The following KITLG variants were observed in gnomAD, a reference collection of about 807,000 sequenced individuals.
KITLG encodes the protein KIT ligand.
In KITLG, 13 loss-of-function variants were observed where a neutral mutation model predicts 34.1. The ratio of observed to expected loss-of-function variants is 0.38; its 90% CI spans 0.25 to 0.61. KITLG has a LOEUF of 0.61. Among genes scored for constraint, KITLG ranks in the 20% least tolerant of loss-of-function variants. KITLG has a pLI of 0.60. For synonymous variants in KITLG, 110 were observed against 104.0 expected (o/e 1.06, Z -0.35); for missense variants, 292 against 318.9 (o/e 0.92, Z 0.64).
intron 1 of KITLG, among the ~76,000 whole-genome samples, chr12:88,546,864 T>C (rs918435820): frequency 1.3e-5 from 2 of 152,194 alleles, no homozygotes; most frequent in Non-Finnish European, 2.9e-5. Context: ...ACTCACATCT[T>C]GTGATAAACA....
At chr12:88,539,875 T>C (rs914028363) in intron 2 of KITLG, among the ~76,000 whole-genome samples, 3 of 152,142 alleles carry the variant, frequency 2.0e-5, no homozygotes, top group South Asian at 2.1e-4. Flanking sequence ...CAGTGAGCCA[T>C]GATTGCACCA....
chr12:88,524,956 C>T (rs3782172), intron 3 of KITLG, among the ~76,000 whole-genome samples: 12,657 of 152,130 alleles, frequency 0.083, 557 homozygotes, highest in Non-Finnish European at 0.1. Flanking sequence ...TGCTTACAAA[C>T]GGTGAACTTT....
intron 1 of KITLG, among the ~76,000 whole-genome samples, chr12:88,549,722 G>A (rs1166185771): frequency 6.6e-6 from 1 of 152,106 alleles, no homozygotes; most frequent in East Asian, 1.9e-4. Context: ...GAAACTTGGG[G>A]TGCAGATATA....
At chr12:88,513,613 T>G (rs142644514) in intron 6 of KITLG, among the ~76,000 whole-genome samples, 4 of 151,690 alleles carry the variant, frequency 2.6e-5, no homozygotes, top group African/African-American at 9.6e-5. Flanking sequence ...TAAGAAAGAT[T>G]TGCTCTAATA....
At position 88,505,178 on chromosome 12, in the gene KITLG, T is replaced by G. The variant is rs1266081219; in HGVS notation, c.*18A>C. On this transcript the variant is annotated 3_prime_UTR_variant, in exon 9 of 10. Transcript: ENST00000644744. ...ACTTACCAATGTACGAAAGTAACAG[T>G]GTTGATACAAGCCACAATTACACTT... 1.3e-6 allele frequency: 2 copies of G among 1,586,910 alleles called. No homozygotes were observed. Among genetic ancestry groups the G allele is most frequent in the Non-Finnish European group, 1.7e-6 (2 of 1,155,634 alleles).
chr12:88,577,911 G>C (rs1048287996), intron 1 of KITLG, among the ~76,000 whole-genome samples: 1 of 152,100 alleles, frequency 6.6e-6, no homozygotes, highest in African/African-American at 2.4e-5. Context: ...TTTTATATGT[G>C]GGGTAGTAGG....
chr12:88,515,028 G>T (rs1869408398), intron 6 of KITLG, among the ~76,000 whole-genome samples: 2 of 151,714 alleles, frequency 1.3e-5, no homozygotes, highest in East Asian at 3.9e-4. Flanking sequence ...TAATTCTGTG[G>T]TAAAATAACA....
Position 88,542,399 on chromosome 12 carries a change from C to T in KITLG, c.129+3353G>A, listed in dbSNP as rs555586390. ...TTTGAAAAATTAGGAAATTGAATGC[C>T]AGAAAGATTCAGTGATTTGTCCAAG... On this transcript the variant is annotated intron_variant, in intron 2 of 9. Coordinates refer to ENST00000644744, the MANE Select transcript of KITLG (RefSeq NM_000899.5). 1.1e-4 allele frequency among the ~76,000 whole-genome samples: 16 copies of T among 152,048 alleles called. No homozygotes were observed. In the South Asian group the frequency reaches 2.3e-3, roughly 22 times the overall value.
At chr12:88,519,194 A>G (rs1279424017) in intron 3 of KITLG, among the ~76,000 whole-genome samples, 1 of 152,072 alleles carries the variant, frequency 6.6e-6, no homozygotes, top group African/African-American at 2.4e-5. Flanking sequence ...ATTACTTAAA[A>G]TGTTGTAATA....
intron 8 of KITLG, among the ~76,000 whole-genome samples, chr12:88,505,545 C>G (rs1371746586): frequency 6.6e-6 from 1 of 152,014 alleles, no homozygotes; most frequent in Admixed American, 6.6e-5. Context: ...GGCAACACAC[C>G]AAATGAAAAT....
intron 6 of KITLG, among the ~76,000 whole-genome samples, chr12:88,511,671 A>T (rs950370437): frequency 6.6e-6 from 1 of 151,526 alleles, no homozygotes. Flanking sequence ...AAATTATAAT[A>T]AAAAAAAATA....
In KITLG at chr12:88,530,538, A is replaced by G. The variant is rs138112453; in HGVS notation, c.192+1903T>C. On this transcript the variant is annotated intron_variant, in intron 3 of 9. Coordinates refer to ENST00000644744, the MANE Select transcript of KITLG (RefSeq NM_000899.5). The stretch of plus-strand genomic sequence containing the variant: ...AATTACTAAACTTTTTGAACTAAAG[A>G]TCATTGCCTAATTGGTGTGTGTTTG... Among the ~76,000 whole-genome samples the G allele has an allele frequency of 8.8e-3, 1,337 of 152,274 alleles. 27 individuals carry two copies. Among genetic ancestry groups the G allele is most frequent in the African/African-American group, 0.031 (1,270 of 41,558 alleles).
chr12:88,522,402 C>T (rs909559306), intron 3 of KITLG, among the ~76,000 whole-genome samples: 1 of 148,902 alleles, frequency 6.7e-6, no homozygotes, highest in Non-Finnish European at 1.5e-5. Context: ...ACACATTATT[C>T]CACATTGGTA....
intron 1 of KITLG, among the ~76,000 whole-genome samples, chr12:88,579,283 A>G (rs111512092): frequency 6.6e-6 from 1 of 152,052 alleles, no homozygotes; most frequent in Non-Finnish European, 1.5e-5. Flanking sequence ...AGGAACTGCA[A>G]TCTCCAACAG....
In KITLG at chr12:88,580,322, G is replaced by A. The variant is rs1201866073; in HGVS notation, c.-44C>T. The A allele has an allele frequency of 6.2e-7, 1 of 1,609,040 alleles. No homozygotes were observed. Among genetic ancestry groups the A allele is most frequent in the South Asian group, 1.1e-5 (1 of 90,098 alleles). The stretch of plus-strand genomic sequence containing the variant: ...GATCCAGCACAAACAGTGGTGTGGC[G>A]ACTCCGTTTAGCTGTTCTGGAGCTC... On this transcript the variant is annotated 5_prime_UTR_variant, in exon 1 of 10. Transcript: ENST00000644744.
At chr12:88,524,829 C>T (rs145383083) in intron 3 of KITLG, among the ~76,000 whole-genome samples, 2 of 152,244 alleles carry the variant, frequency 1.3e-5, no homozygotes, top group East Asian at 3.9e-4. Context: ...TAAATAAATA[C>T]TTTCTTATTA....
intron 2 of KITLG, among the ~76,000 whole-genome samples, chr12:88,539,240 T>G (rs1870434502): frequency 6.6e-6 from 1 of 152,140 alleles, no homozygotes; most frequent in African/African-American, 2.4e-5. Context: ...AGACCCTTAC[T>G]TGTTATGCTG....
In KITLG at chr12:88,517,101, A is replaced by G. The variant is rs572597744; in HGVS notation, c.364-611T>C. 4.6e-5 allele frequency among the ~76,000 whole-genome samples: 7 copies of G among 152,074 alleles called. No individual in the cohort carries two copies. In the South Asian group the frequency reaches 1.4e-3, roughly 31 times the overall value. ...AAAGTTTTTTTGCAGCAATATCTGTATCACTTATGTCAATCCAGACAGAGT... is the reference window on the plus strand; with the variant it reads ...AAAGTTTTTTTGCAGCAATATCTGTGTCACTTATGTCAATCCAGACAGAGT... On this transcript the variant is annotated intron_variant, in intron 4 of 9. Transcript: ENST00000644744.
intron 9 of KITLG, among the ~76,000 whole-genome samples, chr12:88,499,562 C>A (rs948088517): frequency 2.0e-5 from 3 of 152,146 alleles, no homozygotes; most frequent in African/African-American, 7.2e-5. Context: ...AATTGCAAAT[C>A]ATTCTTTCCA....
Sources: allele counts gnomAD v4.1 joint callset (sites outside exome capture counted in the v4.1 genomes callset), GRCh38; gene constraint gnomAD v4.1.1; transcripts MANE v1.5; gene names NCBI Gene and HGNC (gene_info 2026-07-23, HGNC 2026-07-21).